Variants in ADRA1A observed in about 807,000 individuals in gnomAD.
ADRA1A encodes adrenoceptor alpha 1A.
A neutral mutation model predicts 29.6 loss-of-function variants in ADRA1A; 31 were observed. The observed-to-expected ratio is 1.05, with a 90% confidence interval of 0.79 to 1.41. The LOEUF is 1.41. ADRA1A is among the 40% of genes most tolerant of loss of function. The pLI, the probability that ADRA1A is intolerant of heterozygous loss-of-function variation, is 0.00. For synonymous variants in ADRA1A, 311 were observed against 254.3 expected (o/e 1.22, Z -2.12); for missense variants, 619 against 601.1 (o/e 1.03, Z -0.31).
At chr8:26,856,259 T>C (rs879849269) in intron 2 of ADRA1A, among the ~76,000 whole-genome samples, 1 of 152,196 alleles carries the variant, frequency 6.6e-6, no homozygotes, top group Non-Finnish European at 1.5e-5. Flanking sequence ...CTCACGGAAA[T>C]AAGTTTTTTA....
Position 26,864,595 on chromosome 8 carries a change from G to A in ADRA1A, c.375C>T (p.Tyr125=), listed in dbSNP as rs1410634836. The change falls in exon 2 of 3, where the codon TAC becomes TAT. Residue 125 remains tyrosine, a synonymous_variant. Transcript: ENST00000380573. The surrounding 1 kb of genome is among the most constrained non-coding windows in gnomAD (Gnocchi z 8.1). ...MGLCIISIDR[Y]IGVSYPLRYP... is the part of the protein sequence containing the mutation. ...AGCGCAGCGGGTAGCTCACGCCGAT[G>A]TAGCGGTCGATGGAGATGATGCAGA... 6.2e-7 allele frequency: 1 copy of A among 1,614,158 alleles called. No individual in the cohort carries two copies. The highest frequency in any genetic ancestry group is 8.5e-7 in the Non-Finnish European group (1 of 1,180,044).
At chr8:26,807,221 G>T (rs1809059699) in intron 2 of ADRA1A, among the ~76,000 whole-genome samples, 1 of 152,112 alleles carries the variant, frequency 6.6e-6, no homozygotes. Context: ...ACTGAGCTCT[G>T]CTAGTCTCCC....
At chr8:26,802,466 A>T (rs967560541) in intron 2 of ADRA1A, among the ~76,000 whole-genome samples, 1 of 152,254 alleles carries the variant, frequency 6.6e-6, no homozygotes, top group Non-Finnish European at 1.5e-5. Flanking sequence ...AAACAGGCAT[A>T]TGAAAATGTG....
At chr8:26,763,049 A>T (rs141314267), downstream of ADRA1A, among the ~76,000 whole-genome samples, 715 of 152,292 alleles carry the variant, frequency 4.7e-3, 7 homozygotes, top group African/African-American at 0.016. The surrounding 1 kb of genome is among the most constrained non-coding windows in gnomAD (Gnocchi z 4.5). Context: ...AAAAATAAGA[A>T]AAGAAGGAAG....
intron 2 of ADRA1A, among the ~76,000 whole-genome samples, chr8:26,824,993 G>A (rs558622776): frequency 1.1e-4 from 17 of 152,136 alleles, no homozygotes; most frequent in African/African-American, 3.6e-4. Flanking sequence ...TGATGGCATC[G>A]TAGTTCTTCT....
intron 2 of ADRA1A, among the ~76,000 whole-genome samples, chr8:26,837,278 G>A (rs972290974): frequency 6.6e-6 from 1 of 152,060 alleles, no homozygotes; most frequent in Non-Finnish European, 1.5e-5. Flanking sequence ...CTCCAAGTGC[G>A]GTGCAGAGTC....
chr8:26,798,046 T>C (rs1808309395), intron 2 of ADRA1A, among the ~76,000 whole-genome samples: 1 of 151,964 alleles, frequency 6.6e-6, no homozygotes, highest in African/African-American at 2.4e-5. Flanking sequence ...TGGCACCATC[T>C]CTGCTCACTG....
At chr8:26,840,081 T>C (rs1811708196) in intron 2 of ADRA1A, among the ~76,000 whole-genome samples, 1 of 152,240 alleles carries the variant, frequency 6.6e-6, no homozygotes, top group African/African-American at 2.4e-5. Context: ...TTGTTGAATC[T>C]ATGTTGTAAC....
chr8:26,801,179 T>G (rs1467150606), intron 2 of ADRA1A, among the ~76,000 whole-genome samples: 1 of 152,088 alleles, frequency 6.6e-6, no homozygotes, highest in Admixed American at 6.6e-5. Flanking sequence ...TTAAACTGAA[T>G]TGGAAAAAGT....
chr8:26,773,473 C>T (rs1269696033), intron 2 of ADRA1A, among the ~76,000 whole-genome samples: 1 of 152,122 alleles, frequency 6.6e-6, no homozygotes, highest in Admixed American at 6.5e-5. Flanking sequence ...ACCCATTTCA[C>T]AAAGACCTGC....
chr8:26,768,599 C>T (rs1226194861), downstream of ADRA1A, among the ~76,000 whole-genome samples: 1 of 152,064 alleles, frequency 6.6e-6, no homozygotes, highest in Non-Finnish European at 1.5e-5. Flanking sequence ...GGGTTGCAGT[C>T]AAAAACAGTC....
downstream of ADRA1A, among the ~76,000 whole-genome samples, chr8:26,760,875 A>T (rs548673707): frequency 6.6e-6 from 1 of 152,322 alleles, no homozygotes; most frequent in South Asian, 2.1e-4. Flanking sequence ...ACTGTCCCTT[A>T]GAATCCTCAG....
At chr8:26,814,565 T>C (rs1488064172) in intron 2 of ADRA1A, among the ~76,000 whole-genome samples, 1 of 152,270 alleles carries the variant, frequency 6.6e-6, no homozygotes, top group African/African-American at 2.4e-5. Context: ...CCTGGCCAAG[T>C]GATTCCTTTC....
intron 2 of ADRA1A, among the ~76,000 whole-genome samples, chr8:26,804,744 T>A (rs1391938580): frequency 1.3e-5 from 2 of 152,164 alleles, no homozygotes; most frequent in Non-Finnish European, 2.9e-5. Context: ...GTAACCTCTG[T>A]GTGTCTCATT....
At chr8:26,766,118 T>C (rs1287815460), downstream of ADRA1A, 1 of 1,613,476 alleles carries the variant, frequency 6.2e-7, no homozygotes. Context: ...CTCTCTGCAA[T>C]TCTTGGTGAA....
chr8:26,848,344 A>G lies in ADRA1A; in HGVS notation c.883+15743T>C, dbSNP rs1228007051. On this transcript the variant is annotated intron_variant, in intron 2 of 2. Transcript: ENST00000380573. The surrounding 1 kb of genome is among the most constrained non-coding windows in gnomAD (Gnocchi z 4.3). ...TAACCACCAGTGTGATGGTGTTAGG[A>G]GGTGGGGCCTTTGGGAGGTGATTAG... Among the ~76,000 whole-genome samples the G allele has an allele frequency of 2.0e-5, 3 of 152,180 alleles. No homozygotes were observed. Among genetic ancestry groups the G allele is most frequent in the African/African-American group, 7.2e-5 (3 of 41,440 alleles).
At chr8:26,836,660 G>A (rs1811386709) in intron 2 of ADRA1A, among the ~76,000 whole-genome samples, 1 of 152,222 alleles carries the variant, frequency 6.6e-6, no homozygotes, top group Admixed American at 6.5e-5. Flanking sequence ...AAGTGATATT[G>A]TTGGTCTGGT....
At position 26,773,253 on chromosome 8, in the gene ADRA1A, T is replaced by C. The variant is rs192574336; in HGVS notation, c.884-2587A>G. Among the ~76,000 whole-genome samples the C allele has an allele frequency of 3.9e-5, 6 of 152,326 alleles. No homozygotes were observed. In the East Asian group the frequency reaches 1.2e-3, roughly 29 times the overall value. ...ATACATCTCTTAGGAGGATAGCTGA[T>C]GGGGAGTGATAAAGTGTGCAGCTGG... On this transcript the variant is annotated intron_variant, in intron 2 of 2. Coordinates refer to ENST00000380573, the MANE Select transcript of ADRA1A (RefSeq NM_000680.4).
intron 2 of ADRA1A, among the ~76,000 whole-genome samples, chr8:26,779,881 T>C (rs1806830583): frequency 6.6e-6 from 1 of 152,100 alleles, no homozygotes; most frequent in African/African-American, 2.4e-5. Flanking sequence ...CCTCCACATC[T>C]GAGGCCTGGG....
Sources: gnomAD v4.1 joint callset for allele counts (sites outside exome capture counted in the v4.1 genomes callset) on GRCh38, gnomAD v4.1.1 for gene constraint, Gnocchi (gnomAD v3.1) non-coding constraint, MANE v1.5 for transcripts, NCBI Gene and HGNC (gene_info 2026-07-23, HGNC 2026-07-21) for gene names.